Variants in VAT1L observed in about 807,000 individuals in gnomAD.
VAT1L encodes putative NADPH-dependent quinone oxidoreductase VAT1L.
A neutral mutation model predicts 44.1 loss-of-function variants in VAT1L; 34 were observed. The ratio of observed to expected loss-of-function variants is 0.77; its 90% CI spans 0.59 to 1.03. The LOEUF (loss-of-function observed/expected upper bound fraction) is 1.03. Among genes scored for constraint, VAT1L ranks in the 50% least tolerant of loss-of-function variants. VAT1L has a pLI of 0.00. For synonymous variants in VAT1L, 253 were observed against 202.2 expected (o/e 1.25, Z -2.13); for missense variants, 615 against 538.8 (o/e 1.14, Z -1.40).
At chr16:77,967,730 GCT>G (rs1419840042) in intron 7 of VAT1L, among the ~76,000 whole-genome samples, 10 of 152,272 alleles carry the variant, frequency 6.6e-5, no homozygotes, top group African/African-American at 2.2e-4. Context: ...GTTTCTCTGG[GCT>G]CTGTCTTACT....
chr16:77,932,683 T>C (rs1379373062), intron 7 of VAT1L, among the ~76,000 whole-genome samples: 2 of 152,138 alleles, frequency 1.3e-5, no homozygotes, highest in Non-Finnish European at 2.9e-5. Flanking sequence ...GAGTGTCTGG[T>C]GAAAGGAATG....
intron 1 of VAT1L, among the ~76,000 whole-genome samples, chr16:77,797,919 G>A (rs781691159): frequency 3.7e-4 from 57 of 152,202 alleles, no homozygotes; most frequent in South Asian, 8.3e-4. Context: ...TTGGAGCCAT[G>A]GTATGAAAAT....
chr16:77,856,334 G>A (rs149028283), intron 3 of VAT1L, among the ~76,000 whole-genome samples: 1 of 152,256 alleles, frequency 6.6e-6, no homozygotes, highest in African/African-American at 2.4e-5. Flanking sequence ...TTACTTAGTT[G>A]AGTTTCTGAT....
At chr16:77,849,345 G>A (rs974805575) in intron 3 of VAT1L, among the ~76,000 whole-genome samples, 6 of 152,156 alleles carry the variant, frequency 3.9e-5, no homozygotes, top group African/African-American at 1.4e-4. Context: ...CAAAGGAGGG[G>A]AAAATGTGAA....
intron 3 of VAT1L, among the ~76,000 whole-genome samples, chr16:77,833,411 T>A (rs2016602054): frequency 6.6e-6 from 1 of 152,192 alleles, no homozygotes; most frequent in African/African-American, 2.4e-5. Flanking sequence ...AATCTGTGGA[T>A]GATAAGCAGA....
At chr16:77,948,665 TCTCA>T (rs1212376127) in intron 7 of VAT1L, among the ~76,000 whole-genome samples, 1 of 152,200 alleles carries the variant, frequency 6.6e-6, no homozygotes, top group Non-Finnish European at 1.5e-5. Context: ...GCCTTCCCTT[TCTCA>T]CTATTTTTCT....
At chr16:77,896,011 C>G (rs2017320547) in intron 7 of VAT1L, among the ~76,000 whole-genome samples, 1 of 152,206 alleles carries the variant, frequency 6.6e-6, no homozygotes, top group Non-Finnish European at 1.5e-5. Flanking sequence ...TTGGCACATT[C>G]AAGGACAGAA....
chr16:77,835,633 G>C (rs1384725706), intron 3 of VAT1L, among the ~76,000 whole-genome samples: 1 of 152,076 alleles, frequency 6.6e-6, no homozygotes, highest in Non-Finnish European at 1.5e-5. Context: ...AACACTTTAG[G>C]AGGCCAAAGC....
chr16:77,904,466 C>T (rs2017419391), intron 7 of VAT1L, among the ~76,000 whole-genome samples: 1 of 152,176 alleles, frequency 6.6e-6, no homozygotes, highest in African/African-American at 2.4e-5. Context: ...AGGGCTGTCT[C>T]TGGCTTGTGG....
intron 7 of VAT1L, among the ~76,000 whole-genome samples, chr16:77,934,771 GA>G (rs973491213): frequency 1.8e-4 from 27 of 152,124 alleles, no homozygotes; most frequent in Admixed American, 6.6e-5. Flanking sequence ...TCTTAAAATG[GA>G]AAAGTACTTA....
intron 7 of VAT1L, among the ~76,000 whole-genome samples, chr16:77,951,251 A>C (rs1278830444): frequency 1.3e-5 from 2 of 152,228 alleles, no homozygotes; most frequent in Non-Finnish European, 2.9e-5. Context: ...TTGTAGTTTT[A>C]AAATGACTCA....
intron 6 of VAT1L, among the ~76,000 whole-genome samples, chr16:77,881,060 C>T (rs1420759655): frequency 4.6e-5 from 7 of 152,136 alleles, no homozygotes; most frequent in Non-Finnish European, 7.4e-5. Context: ...AATGAACATA[C>T]GGGTGCATGT....
At chr16:77,806,035 A>G (rs2016152629) in intron 1 of VAT1L, among the ~76,000 whole-genome samples, 2 of 147,642 alleles carry the variant, frequency 1.4e-5, no homozygotes, top group Admixed American at 1.3e-4. Context: ...GCAAATTTTT[A>G]TATTTTTAGT....
chr16:77,945,060 G>GT (rs1186872928), intron 7 of VAT1L, among the ~76,000 whole-genome samples: 5 of 152,268 alleles, frequency 3.3e-5, no homozygotes, highest in Admixed American at 2.6e-4. Flanking sequence ...CCTGTCGGTT[G>GT]TATGTTCATA....
chr16:77,911,333 TC>T (rs1298507368), intron 7 of VAT1L, among the ~76,000 whole-genome samples: 1 of 152,134 alleles, frequency 6.6e-6, no homozygotes, highest in Admixed American at 6.5e-5. Context: ...TTGATCATTT[TC>T]CCCTACTATC....
chr16:77,830,253 A>G lies in VAT1L; in HGVS notation c.579+4792A>G, dbSNP rs142212044. Among the ~76,000 whole-genome samples, 216 of 152,220 alleles carry G rather than the reference A, an allele frequency of 1.4e-3. 2 individuals are homozygous for G. Among genetic ancestry groups the G allele is most frequent in the African/African-American group, 5.2e-3 (214 of 41,542 alleles). On this transcript the variant is annotated intron_variant, in intron 3 of 8. Transcript: ENST00000302536. Reference sequence around the variant, plus strand: ...AAGCTCTGAACCTCTGTGCCTTTTCATATGCTGTTTTTTTCTTTCCAAAAT... The same window carrying G: ...AAGCTCTGAACCTCTGTGCCTTTTCGTATGCTGTTTTTTTCTTTCCAAAAT...
At chr16:77,841,311 G>A (rs2016702361) in intron 3 of VAT1L, among the ~76,000 whole-genome samples, 1 of 152,140 alleles carries the variant, frequency 6.6e-6, no homozygotes. Flanking sequence ...TTGAACTCCT[G>A]GGCTCATGCA....
intron 3 of VAT1L, among the ~76,000 whole-genome samples, chr16:77,826,946 A>G (rs1304045322): frequency 6.6e-6 from 1 of 152,206 alleles, no homozygotes; most frequent in Non-Finnish European, 1.5e-5. Context: ...TTGATTTTAA[A>G]AAAGAAAAAC....
intron 3 of VAT1L, among the ~76,000 whole-genome samples, chr16:77,849,699 C>G (rs1254635367): frequency 2.0e-5 from 3 of 152,060 alleles, no homozygotes; most frequent in Non-Finnish European, 4.4e-5. Flanking sequence ...ACTAAACATC[C>G]CAGTAGGAAT....
Sources: allele counts gnomAD v4.1 joint callset (sites outside exome capture counted in the v4.1 genomes callset), GRCh38; gene constraint gnomAD v4.1.1; transcripts MANE v1.5; gene names NCBI Gene and HGNC (gene_info 2026-07-23, HGNC 2026-07-21).